The following DCC variants were observed in gnomAD, a reference collection of about 807,000 sequenced individuals.
The protein encoded by DCC is netrin receptor DCC.
DCC carries 58 observed loss-of-function variants against 172.5 expected under a neutral mutation model. The observed-to-expected ratio is 0.34, with a 90% confidence interval of 0.27 to 0.42. The LOEUF is 0.42. Ranked by LOEUF, DCC falls within the 10% of genes least tolerant of loss-of-function variation. The pLI is 1.00. For synonymous variants in DCC, 709 were observed against 644.5 expected (o/e 1.10, Z -1.52); for missense variants, 1,740 against 1,791.0 (o/e 0.97, Z 0.51).
At chr18:52,841,737 T>C (rs1391016603) in intron 2 of DCC, among the ~76,000 whole-genome samples, 1 of 152,208 alleles carries the variant, frequency 6.6e-6, no homozygotes, top group Admixed American at 6.5e-5. Flanking sequence ...GAGTGCTGGC[T>C]GGCAAAAGCT....
In DCC at chr18:53,175,678, G is replaced by A. The variant is rs1050870584; in HGVS notation, c.1419-3284G>A. Among the ~76,000 whole-genome samples the A allele has an allele frequency of 8.5e-5, 13 of 152,130 alleles. 1 individual carries two copies. Among genetic ancestry groups the A allele is most frequent in the South Asian group, 2.1e-4 (1 of 4,814 alleles). On this transcript the variant is annotated intron_variant, in intron 8 of 28. Coordinates refer to ENST00000442544, the MANE Select transcript of DCC (RefSeq NM_005215.4). ...AACCACTGCTCAATGAAATCAAAGAGGATACAAACAAATGGAAGAACATTC... is the reference window on the plus strand; with the variant it reads ...AACCACTGCTCAATGAAATCAAAGAAGATACAAACAAATGGAAGAACATTC...
intron 2 of DCC, among the ~76,000 whole-genome samples, chr18:52,815,530 G>C (rs575375187): frequency 4.9e-4 from 74 of 152,066 alleles, no homozygotes; most frequent in Non-Finnish European, 5.0e-4. Context: ...AGAGAATAGA[G>C]CCCTTACCAG....
chr18:53,146,610 T>A (rs1309316231), intron 7 of DCC, among the ~76,000 whole-genome samples: 1 of 152,208 alleles, frequency 6.6e-6, no homozygotes, highest in Non-Finnish European at 1.5e-5. Context: ...AAACACTCAA[T>A]TCATAGAAAG....
chr18:52,692,965 A>G (rs933654477), intron 1 of DCC, among the ~76,000 whole-genome samples: 1 of 152,200 alleles, frequency 6.6e-6, no homozygotes, highest in African/African-American at 2.4e-5. Context: ...GTCCTCTGAT[A>G]TAGAAGCCAG....
At chr18:52,445,942 T>G (rs1988106579) in intron 1 of DCC, among the ~76,000 whole-genome samples, 3 of 152,178 alleles carry the variant, frequency 2.0e-5, no homozygotes. Flanking sequence ...GTTGTTTGTT[T>G]TTTGAGACGG....
At chr18:52,766,065 T>C (rs999741308) in intron 2 of DCC, among the ~76,000 whole-genome samples, 3 of 152,152 alleles carry the variant, frequency 2.0e-5, no homozygotes, top group African/African-American at 7.2e-5. Context: ...AGCGTACAAG[T>C]GAACAAGTCA....
At chr18:52,967,950 G>A (rs144908052) in intron 5 of DCC, among the ~76,000 whole-genome samples, 36 of 152,112 alleles carry the variant, frequency 2.4e-4, no homozygotes, top group African/African-American at 7.0e-4. Flanking sequence ...GATTTTAGAC[G>A]CATTAAAATA....
chr18:52,595,607 C>G (rs1008265738), intron 1 of DCC, among the ~76,000 whole-genome samples: 11 of 152,198 alleles, frequency 7.2e-5, no homozygotes, highest in African/African-American at 2.7e-4. Flanking sequence ...TGTAACCCTT[C>G]ACTTGGGGAT....
intron 7 of DCC, among the ~76,000 whole-genome samples, chr18:53,148,818 C>T (rs2043954887): frequency 1.3e-5 from 2 of 150,100 alleles, no homozygotes; most frequent in South Asian, 4.2e-4. Flanking sequence ...TTGTCCTCAA[C>T]TTACTTGATC....
chr18:53,224,716 T>G (rs772966092), intron 12 of DCC, among the ~76,000 whole-genome samples: 28 of 152,190 alleles, frequency 1.8e-4, no homozygotes, highest in Admixed American at 3.3e-4. Flanking sequence ...CAGAGCAAGA[T>G]CAAGGATATA....
chr18:53,243,939 T>C (rs1784859934), intron 12 of DCC, among the ~76,000 whole-genome samples: 1 of 152,156 alleles, frequency 6.6e-6, no homozygotes, highest in African/African-American at 2.4e-5. Flanking sequence ...GAATTTAACT[T>C]GACAAATGCA....
intron 1 of DCC, among the ~76,000 whole-genome samples, chr18:52,508,715 A>G (rs2031324051): frequency 6.6e-6 from 1 of 152,272 alleles, no homozygotes; most frequent in African/African-American, 2.4e-5. Flanking sequence ...ATACTAGTGC[A>G]GGAAATTTCT....
chr18:52,902,169 A>C (rs1250653710), intron 2 of DCC, among the ~76,000 whole-genome samples: 1 of 152,206 alleles, frequency 6.6e-6, no homozygotes, highest in Non-Finnish European at 1.5e-5. Flanking sequence ...GAAGTTGTGG[A>C]AAATGAACCT....
intron 12 of DCC, among the ~76,000 whole-genome samples, chr18:53,252,097 ATT>A (rs1462431146): frequency 6.6e-6 from 1 of 151,878 alleles, no homozygotes; most frequent in East Asian, 1.9e-4. Flanking sequence ...ATCTAAGAAA[ATT>A]TTGTCAGATT....
At chr18:52,703,963 G>T (rs934020082) in intron 1 of DCC, among the ~76,000 whole-genome samples, 2 of 152,084 alleles carry the variant, frequency 1.3e-5, no homozygotes, top group African/African-American at 4.8e-5. Context: ...ATGCAAACTT[G>T]AAATTGAGAC....
intron 1 of DCC, among the ~76,000 whole-genome samples, chr18:52,539,364 C>T (rs2032376047): frequency 6.6e-6 from 1 of 152,148 alleles, no homozygotes; most frequent in East Asian, 1.9e-4. Flanking sequence ...TTCCAGGAGT[C>T]CCCAAACCCC....
chr18:53,524,404 T>C (rs1376449783), intron 27 of DCC, among the ~76,000 whole-genome samples: 1 of 152,106 alleles, frequency 6.6e-6, no homozygotes, highest in African/African-American at 2.4e-5. Flanking sequence ...AATTTTGTTT[T>C]AGCCCAACAA....
At chr18:52,830,402 C>G (rs2145293355) in intron 2 of DCC, among the ~76,000 whole-genome samples, 1 of 152,228 alleles carries the variant, frequency 6.6e-6, no homozygotes, top group African/African-American at 2.4e-5. Context: ...CCTGGAAAGT[C>G]TTGTCAACTA....
chr18:52,439,338 C>T (rs954740280), intron 1 of DCC, among the ~76,000 whole-genome samples: 4 of 152,058 alleles, frequency 2.6e-5, no homozygotes, highest in African/African-American at 9.7e-5. Context: ...ACTACCCACA[C>T]TGCAGGAACA....
Sources: allele counts gnomAD v4.1 joint callset (sites outside exome capture counted in the v4.1 genomes callset), GRCh38; gene constraint gnomAD v4.1.1; transcripts MANE v1.5; gene names NCBI Gene and HGNC (gene_info 2026-07-23, HGNC 2026-07-21).